Variants in PTPRT observed in about 807,000 individuals in gnomAD.
PTPRT encodes the protein protein tyrosine phosphatase receptor type T, also known as receptor-type tyrosine-protein phosphatase T.
Under a neutral mutation model 176.8 loss-of-function variants are expected in PTPRT, and 56 were observed. That is an observed-to-expected ratio of 0.32 (90% CI 0.26 to 0.40). The LOEUF (loss-of-function observed/expected upper bound fraction) is 0.40. Among genes scored for constraint, PTPRT ranks in the 10% least tolerant of loss-of-function variants. The probability of loss-of-function intolerance (pLI) is 1.00; values close to 1 mark genes in which losing one functional copy is unlikely to be tolerated. For missense variants in PTPRT, 1,540 were observed against 1,908.2 expected, an observed-to-expected ratio of 0.81 and a Z score of 3.60; for synonymous variants, 783 against 739.0, an observed-to-expected ratio of 1.06 and a Z score of -0.96.
intron 2 of PTPRT, among the ~76,000 whole-genome samples, chr20:42,882,400 G>T (rs138673910): frequency 6.6e-6 from 1 of 152,108 alleles, no homozygotes; most frequent in African/African-American, 2.4e-5. Flanking sequence ...CCATAATGAG[G>T]GGCTGAGAAA....
At chr20:43,008,584 G>C (rs1984970969) in intron 1 of PTPRT, among the ~76,000 whole-genome samples, 1 of 151,974 alleles carries the variant, frequency 6.6e-6, no homozygotes, top group Admixed American at 6.6e-5. Context: ...CCAGCTACTT[G>C]AGGGTCTGAG....
chr20:42,938,679 C>G (rs564358520), intron 1 of PTPRT, among the ~76,000 whole-genome samples: 28 of 152,146 alleles, frequency 1.8e-4, no homozygotes, highest in Non-Finnish European at 2.6e-4. Flanking sequence ...CTCCCTCCCC[C>G]CCATGCTTGC....
intron 13 of PTPRT, among the ~76,000 whole-genome samples, chr20:42,271,220 G>T (rs1185376889): frequency 1.3e-5 from 2 of 152,122 alleles, no homozygotes; most frequent in African/African-American, 4.8e-5. Context: ...TCCCAAGCAT[G>T]ACAACAGCTT....
chr20:42,419,214 T>C (rs550075595), intron 9 of PTPRT, among the ~76,000 whole-genome samples: 34 of 152,246 alleles, frequency 2.2e-4, no homozygotes, highest in African/African-American at 7.5e-4. Flanking sequence ...TACACATAGG[T>C]CCATCCCACC....
chr20:42,466,033 G>A (rs569436136), intron 8 of PTPRT, among the ~76,000 whole-genome samples: 44 of 152,282 alleles, frequency 2.9e-4, no homozygotes, highest in African/African-American at 9.9e-4. Flanking sequence ...GTGTTTGGTT[G>A]TCTGTTCCTG....
chr20:42,669,137 C>T (rs1390793494), intron 7 of PTPRT, among the ~76,000 whole-genome samples: 1 of 152,090 alleles, frequency 6.6e-6, no homozygotes, highest in Non-Finnish European at 1.5e-5. Context: ...GAGAGTGCAG[C>T]AGCAGCAAAA....
chr20:42,449,828 T>C (rs1329732963), intron 8 of PTPRT, among the ~76,000 whole-genome samples: 2 of 152,178 alleles, frequency 1.3e-5, no homozygotes, highest in Non-Finnish European at 2.9e-5. Flanking sequence ...TTGTTGAATA[T>C]TAAGAATATA....
At chr20:42,405,628 T>C (rs1237519926) in intron 9 of PTPRT, among the ~76,000 whole-genome samples, 1 of 152,210 alleles carries the variant, frequency 6.6e-6, no homozygotes, top group African/African-American at 2.4e-5. Flanking sequence ...GTCTTTGCCA[T>C]TGTGAATAGT....
chr20:42,868,202 G>A (rs2078783561), intron 2 of PTPRT, among the ~76,000 whole-genome samples: 1 of 152,210 alleles, frequency 6.6e-6, no homozygotes, highest in Admixed American at 6.5e-5. Context: ...AGGTTCAAAA[G>A]AAGAAAGCTG....
intron 27 of PTPRT, among the ~76,000 whole-genome samples, chr20:42,097,643 G>C (rs1473842805): frequency 2.6e-5 from 4 of 152,188 alleles, no homozygotes. Flanking sequence ...CTATAGCTCA[G>C]GTCTGTTTAA....
At chr20:42,826,145 C>G (rs1329851991) in intron 2 of PTPRT, among the ~76,000 whole-genome samples, 1 of 151,936 alleles carries the variant, frequency 6.6e-6, no homozygotes, top group East Asian at 1.9e-4. Context: ...GGGTAAGTCA[C>G]CAGGCAAAAC....
At chr20:42,682,438 T>C (rs2075619392) in intron 6 of PTPRT, among the ~76,000 whole-genome samples, 1 of 152,202 alleles carries the variant, frequency 6.6e-6, no homozygotes, top group Non-Finnish European at 1.5e-5. Context: ...CTAACAGTTT[T>C]TCAAACAAGA....
chr20:42,740,576 T>C (rs1355685354), intron 6 of PTPRT, among the ~76,000 whole-genome samples: 1 of 152,116 alleles, frequency 6.6e-6, no homozygotes, highest in Non-Finnish European at 1.5e-5. Context: ...ACTGAGGCAA[T>C]GGCAAAATCC....
chr20:42,405,300 G>A (rs571390511), intron 9 of PTPRT, among the ~76,000 whole-genome samples: 16 of 151,422 alleles, frequency 1.1e-4, no homozygotes, highest in Non-Finnish European at 2.1e-4. Flanking sequence ...CCATTAACTG[G>A]TCATTTACAT....
At chr20:42,106,153 G>C (rs557177659) in intron 24 of PTPRT, among the ~76,000 whole-genome samples, 1 of 152,328 alleles carries the variant, frequency 6.6e-6, no homozygotes, top group South Asian at 2.1e-4. Context: ...AGCTGGTTTG[G>C]AGGAGTAGAA....
In PTPRT at chr20:42,498,714, C is replaced by T. The variant is rs573614097; in HGVS notation, c.1154-26152G>A. Among the ~76,000 whole-genome samples the T allele has an allele frequency of 1.5e-4, 23 of 152,232 alleles. No homozygotes were observed. The South Asian group carries it at 4.1e-3, about 27-fold the overall frequency. ...ATCTACATGACAGGAACCTTGGTTT[C>T]CACAACTCGACCTCTCTTACCTTAC... On this transcript the variant is annotated intron_variant, in intron 7 of 30. Transcript: ENST00000373187.
At chr20:42,880,116 G>C (rs949392382) in intron 2 of PTPRT, among the ~76,000 whole-genome samples, 1 of 152,116 alleles carries the variant, frequency 6.6e-6, no homozygotes, top group Non-Finnish European at 1.5e-5. Context: ...GCAGGCCCGG[G>C]GGGGTTTGTG....
chr20:42,702,620 C>T (rs576104452), intron 6 of PTPRT, among the ~76,000 whole-genome samples: 1 of 152,198 alleles, frequency 6.6e-6, no homozygotes, highest in Non-Finnish European at 1.5e-5. Context: ...CCTGGGAGGG[C>T]TGCCCTGTGT....
At chr20:42,852,638 C>A (rs2078495510) in intron 2 of PTPRT, among the ~76,000 whole-genome samples, 1 of 152,042 alleles carries the variant, frequency 6.6e-6, no homozygotes, top group South Asian at 2.1e-4. Context: ...GAGGATTTTT[C>A]TCCACTGGCT....
Sources: allele counts gnomAD v4.1 joint callset (sites outside exome capture counted in the v4.1 genomes callset), GRCh38; gene constraint gnomAD v4.1.1; transcripts MANE v1.5; gene names NCBI Gene and HGNC (gene_info 2026-07-23, HGNC 2026-07-21).